DLGAP2: variants seen among roughly 807,000 people sequenced by gnomAD.
DLGAP2 encodes the protein DLG associated protein 2.
In DLGAP2, 26 loss-of-function variants were observed where a neutral mutation model predicts 100.3. The ratio of observed to expected loss-of-function variants is 0.26; its 90% confidence interval spans 0.19 to 0.36. The LOEUF is 0.36. Among genes scored for constraint, DLGAP2 ranks in the 10% least tolerant of loss-of-function variants. The pLI is 1.00. For missense variants in DLGAP2, 1,858 were observed against 1,453.2 expected (o/e 1.28, Z -4.53); for synonymous variants, 886 against 630.1 (o/e 1.41, Z -6.08).
intron 2 of DLGAP2, among the ~76,000 whole-genome samples, chr8:1,157,334 C>G (rs140010450): frequency 6.6e-6 from 1 of 152,304 alleles, no homozygotes; most frequent in East Asian, 1.9e-4. Context: ...GATGGATGCA[C>G]TTCCAGCGAC....
rs1805082267 is a variant in DLGAP2, at chr8:1,115,287, TG to T, written c.74-143563del. Among the ~76,000 whole-genome samples the T allele has an allele frequency of 9.8e-5, 15 of 152,348 alleles. No homozygotes were observed. In the South Asian group the frequency reaches 2.9e-3, roughly 29 times the overall value. On this transcript the variant is annotated intron_variant, in intron 2 of 14. Coordinates refer to ENST00000637795, the MANE Select transcript of DLGAP2 (RefSeq NM_001346810.2). Reference sequence around the variant, plus strand: ...GATCTGTCTAACACTGTCAGTGGAATGTTGACGTCTTCCACTATTATTGTGT... The same window carrying T: ...GATCTGTCTAACACTGTCAGTGGAATTTGACGTCTTCCACTATTATTGTGT...
intron 2 of DLGAP2, among the ~76,000 whole-genome samples, chr8:976,473 G>C (rs556237407): frequency 6.6e-6 from 1 of 152,130 alleles, no homozygotes; most frequent in South Asian, 2.1e-4. Flanking sequence ...TTAGCTGGGC[G>C]TGGTGGCAGG....
intron 2 of DLGAP2, among the ~76,000 whole-genome samples, chr8:1,225,080 G>T (rs1187880611): frequency 6.6e-6 from 1 of 152,238 alleles, no homozygotes; most frequent in African/African-American, 2.4e-5. Context: ...ATGCCATCCT[G>T]CCTGTGTGCC....
intron 4 of DLGAP2, among the ~76,000 whole-genome samples, chr8:1,532,789 G>A (rs1360000292): frequency 1.3e-5 from 2 of 152,178 alleles, no homozygotes; most frequent in African/African-American, 2.4e-5. Flanking sequence ...CAGTTAGGAG[G>A]TTCGGTTATA....
At chr8:898,628 AG>A (rs1798192036) in intron 1 of DLGAP2, among the ~76,000 whole-genome samples, 1 of 151,124 alleles carries the variant, frequency 6.6e-6, no homozygotes, top group South Asian at 2.1e-4. Context: ...GCGTGCTTCC[AG>A]CCCCTGCAGC....
chr8:1,129,751 A>G (rs1055130151), intron 2 of DLGAP2, among the ~76,000 whole-genome samples: 1 of 152,098 alleles, frequency 6.6e-6, no homozygotes, highest in African/African-American at 2.4e-5. Flanking sequence ...CCTGAATCCT[A>G]CGTTTTACGA....
At position 1,666,056 on chromosome 8, in the gene DLGAP2, C is replaced by T. The variant is rs191758733; in HGVS notation, c.1811-2273C>T. Among the ~76,000 whole-genome samples, 52 of 152,288 alleles carry T rather than the reference C, an allele frequency of 3.4e-4. No individual in the cohort carries two copies. The East Asian group carries it at 9.7e-3, about 28-fold the overall frequency. On this transcript the variant is annotated intron_variant, in intron 8 of 14. Coordinates refer to ENST00000637795, the MANE Select transcript of DLGAP2 (RefSeq NM_001346810.2). ...CCAAGGTGAGATGAATGTGCAGTCC[C>T]CAACGCGTCCCACCCGGAAAAACGA...
intron 2 of DLGAP2, among the ~76,000 whole-genome samples, chr8:1,055,807 C>A (rs1250464671): frequency 1.3e-5 from 2 of 152,190 alleles, no homozygotes; most frequent in Non-Finnish European, 2.9e-5. Flanking sequence ...GAGAGGGGCA[C>A]CTGAGTCAGG....
intron 4 of DLGAP2, among the ~76,000 whole-genome samples, chr8:1,520,883 G>C (rs1002517890): frequency 2.0e-5 from 3 of 152,214 alleles, no homozygotes; most frequent in Non-Finnish European, 2.9e-5. Flanking sequence ...CTGGGGGCGT[G>C]ATTGCTGGAC....
chr8:1,040,178 G>T (rs1414236594), intron 2 of DLGAP2, among the ~76,000 whole-genome samples: 1 of 139,574 alleles, frequency 7.2e-6, no homozygotes, highest in African/African-American at 3.0e-5. Flanking sequence ...TGTCAGCTCG[G>T]TTTCCATGGT....
chr8:891,960 T>G (rs1798044328), intron 1 of DLGAP2, among the ~76,000 whole-genome samples: 1 of 152,222 alleles, frequency 6.6e-6, no homozygotes. Flanking sequence ...GAGGTGATGC[T>G]TTCCTGTAAC....
At chr8:1,059,203 A>C (rs1802976992) in intron 2 of DLGAP2, among the ~76,000 whole-genome samples, 1 of 151,992 alleles carries the variant, frequency 6.6e-6, no homozygotes, top group South Asian at 2.1e-4. Context: ...GGCTTCACTT[A>C]TAGGGAGAGG....
intron 3 of DLGAP2, among the ~76,000 whole-genome samples, chr8:1,269,309 C>T (rs538317296): frequency 1.4e-3 from 208 of 152,322 alleles, no homozygotes; most frequent in African/African-American, 3.6e-3. Flanking sequence ...AGCTCCCAGC[C>T]TGCAGAGGCT....
chr8:1,107,259 A>G (rs1005359180), intron 2 of DLGAP2, among the ~76,000 whole-genome samples: 4 of 152,192 alleles, frequency 2.6e-5, no homozygotes, highest in Non-Finnish European at 4.4e-5. Context: ...TAGCTCACAG[A>G]GAGGCTGGAG....
rs116580592 is a variant in DLGAP2, at chr8:1,072,524, G to A, written c.73+164558G>A. Reference sequence around the variant, plus strand: ...GACGCGTGTTTGATTTCACCGCAGCGTTTCTCCCCGCGGTAGTGCAGGCAC... The same window carrying A: ...GACGCGTGTTTGATTTCACCGCAGCATTTCTCCCCGCGGTAGTGCAGGCAC... On this transcript the variant is annotated intron_variant, in intron 2 of 14. Transcript: ENST00000637795. Among the ~76,000 whole-genome samples the A allele has an allele frequency of 7.0e-3, 1,065 of 152,254 alleles. 11 individuals are homozygous for A. The highest frequency in any genetic ancestry group is 0.025 in the African/African-American group (1,020 of 41,550).
chr8:960,644 G>C (rs1179274059), intron 2 of DLGAP2, among the ~76,000 whole-genome samples: 1 of 152,150 alleles, frequency 6.6e-6, no homozygotes, highest in Non-Finnish European at 1.5e-5. Flanking sequence ...TTGTTGTTTA[G>C]TCAGCTGGTA....
intron 3 of DLGAP2, among the ~76,000 whole-genome samples, chr8:1,286,224 C>T (rs141655463): frequency 1.9e-3 from 291 of 152,256 alleles, no homozygotes; most frequent in African/African-American, 6.6e-3. Context: ...TCTCTCCTGC[C>T]GCCCTTGTGA....
chr8:1,154,712 G>A (rs919401313), intron 2 of DLGAP2, among the ~76,000 whole-genome samples: 5 of 152,146 alleles, frequency 3.3e-5, no homozygotes, highest in African/African-American at 9.7e-5. Context: ...GGACCGAGCT[G>A]CCTTTTCTCC....
intron 2 of DLGAP2, among the ~76,000 whole-genome samples, chr8:1,197,539 C>A (rs1454955483): frequency 6.6e-6 from 1 of 152,240 alleles, no homozygotes; most frequent in African/African-American, 2.4e-5. Context: ...CTACATAAAC[C>A]TGAGCTACAC....
Sources: gnomAD v4.1 joint callset for allele counts (sites outside exome capture counted in the v4.1 genomes callset) on GRCh38, gnomAD v4.1.1 for gene constraint, MANE v1.5 for transcripts, NCBI Gene and HGNC (gene_info 2026-07-23, HGNC 2026-07-21) for gene names.